Variants in LRP6 observed in about 807,000 individuals in gnomAD.
LRP6 encodes low-density lipoprotein receptor-related protein 6.
Under a neutral mutation model 184.1 loss-of-function variants are expected in LRP6, and 43 were observed. That is an observed-to-expected ratio of 0.23 (90% confidence interval 0.18 to 0.30). The LOEUF (loss-of-function observed/expected upper bound fraction) is 0.30. Ranked by LOEUF, LRP6 falls within the 10% of genes least tolerant of loss-of-function variation. The pLI, the probability that LRP6 is intolerant of heterozygous loss-of-function variation, is 1.00. For synonymous variants in LRP6, 719 were observed against 684.9 expected, an observed-to-expected ratio of 1.05 and a Z score of -0.78; for missense variants, 1,571 against 2,005.3, an observed-to-expected ratio of 0.78 and a Z score of 4.14.
chr12:12,224,700 C>T (rs575550078), intron 2 of LRP6, among the ~76,000 whole-genome samples: 1 of 152,340 alleles, frequency 6.6e-6, no homozygotes, highest in African/African-American at 2.4e-5. Flanking sequence ...CATGGGTTCA[C>T]TTACCCAGCT....
chr12:12,235,381 A>G (rs1400278394), intron 2 of LRP6, among the ~76,000 whole-genome samples: 1 of 152,204 alleles, frequency 6.6e-6, no homozygotes, highest in African/African-American at 2.4e-5. Context: ...GTGTGTCTAC[A>G]TACATCATAT....
At chr12:12,127,194 G>A (rs1382327020) in intron 19 of LRP6, among the ~76,000 whole-genome samples, 2 of 152,158 alleles carry the variant, frequency 1.3e-5, no homozygotes, top group Non-Finnish European at 2.9e-5. Context: ...TAGAAACAAA[G>A]ATGGTAAATG....
rs140212658 is a variant in LRP6 at position 12,210,327 on chromosome 12, T to C, written c.450-6927A>G. ...AGATTTACAAATGTGAATGTGTGTGTATTGGTGTCATTCAACATAATATGG... is the reference window on the plus strand; with the variant it reads ...AGATTTACAAATGTGAATGTGTGTGCATTGGTGTCATTCAACATAATATGG... On this transcript the variant is annotated intron_variant, in intron 2 of 22. Transcript: ENST00000261349. Among the ~76,000 whole-genome samples the C allele has an allele frequency of 3.9e-5, 6 of 152,332 alleles. No homozygotes were observed. In the East Asian group the frequency reaches 9.6e-4, roughly 24 times the overall value.
intron 15 of LRP6, among the ~76,000 whole-genome samples, chr12:12,145,952 C>T (rs938500722): frequency 2.0e-5 from 3 of 151,938 alleles, no homozygotes; most frequent in East Asian, 1.9e-4. Context: ...CATTTCTTAA[C>T]GGTATATATA....
At chr12:12,239,994 T>TA (rs201661075) in intron 2 of LRP6, among the ~76,000 whole-genome samples, 7,697 of 139,508 alleles carry the variant, frequency 0.055, 230 homozygotes, top group Middle Eastern at 0.16. Flanking sequence ...GTTAAGATAT[T>TA]AAAAAAAAAA....
intron 2 of LRP6, among the ~76,000 whole-genome samples, chr12:12,215,737 C>T (rs182922753): frequency 1.9e-4 from 29 of 149,438 alleles, no homozygotes; most frequent in African/African-American, 6.8e-4. Flanking sequence ...TGTGGCCAGG[C>T]GTGGTGGCTC....
intron 7 of LRP6, among the ~76,000 whole-genome samples, chr12:12,167,155 T>A (rs1862900047): frequency 6.6e-6 from 1 of 151,906 alleles, no homozygotes; most frequent in African/African-American, 2.4e-5. Context: ...GTGAGAAAAA[T>A]AATAAATGCC....
chr12:12,203,532 T>C (rs1863970963), intron 2 of LRP6, 132 bp from the exon 3 acceptor site: 1 of 726,022 alleles, frequency 1.4e-6, no homozygotes, highest in African/African-American at 1.8e-5. Context: ...TCTGGGAGGC[T>C]GAGGCAGGCA....
chr12:12,125,398 G>A lies in LRP6; in HGVS notation c.4347C>T (p.Leu1449=), dbSNP rs1949659470. ...GTCCACTGCTTCCCCCCATGATACTGAGGGAGCTGATCATTGATTTACCTC... is the reference window on the plus strand; with the variant it reads ...GTCCACTGCTTCCCCCCATGATACTAAGGGAGCTGATCATTGATTTACCTC... ...MSRGKSMISS[L]SIMGGSSGPP... The change falls in exon 21 of 23, where the codon CTC becomes CTT. Residue 1449 remains leucine, a synonymous_variant. Transcript: ENST00000261349. The A allele has an allele frequency of 6.2e-7, 1 of 1,613,914 alleles. No homozygotes were observed. Among genetic ancestry groups the A allele is most frequent in the African/African-American group, 1.3e-5 (1 of 74,894 alleles).
rs534916622 is a variant in LRP6 at position 12,162,114 on chromosome 12, A to C, written c.2279+79T>G. The C allele has an allele frequency of 2.8e-6, 3 of 1,090,896 alleles. No homozygotes were observed. In the Admixed American group the frequency reaches 5.2e-5, roughly 19 times the overall value. 67.6% of individuals were successfully genotyped at this position (1,090,896 alleles called of 1,614,324 possible). A position where few individuals can be genotyped will look rare whatever the true frequency, so the allele number is the denominator to read the frequency against. ...CTAATACGTATTATTTAAAACATTA[A>C]GAATATCATCTGTAACTATGCCATG... On this transcript the variant is annotated intron_variant, in intron 10 of 22. Coordinates refer to ENST00000261349, the MANE Select transcript of LRP6 (RefSeq NM_002336.3).
At chr12:12,243,192 C>T (rs1865106770) in intron 2 of LRP6, among the ~76,000 whole-genome samples, 1 of 152,052 alleles carries the variant, frequency 6.6e-6, no homozygotes, top group South Asian at 2.1e-4. Flanking sequence ...ATGGTGTATA[C>T]TAATAGTAGA....
At chr12:12,145,071 G>A (rs868540945) in intron 15 of LRP6, among the ~76,000 whole-genome samples, 2 of 151,890 alleles carry the variant, frequency 1.3e-5, no homozygotes, top group African/African-American at 2.4e-5. Context: ...AAAAAAAACT[G>A]CAATTACTTT....
chr12:12,201,954 C>G (rs1172293352), intron 3 of LRP6, among the ~76,000 whole-genome samples: 1 of 152,050 alleles, frequency 6.6e-6, no homozygotes, highest in Non-Finnish European at 1.5e-5. Context: ...GTTCCTTATT[C>G]TTAGTTCAGG....
In LRP6 at chr12:12,159,843, C is replaced by G; in HGVS notation, c.2401G>C (p.Ala801Pro). 6.2e-7 allele frequency: 1 copy of G among 1,614,128 alleles called. No individual in the cohort carries two copies. Among genetic ancestry groups the G allele is most frequent in the Non-Finnish European group, 8.5e-7 (1 of 1,180,004 alleles). The change falls in exon 11 of 23, where the codon GCT (alanine) becomes CCT (proline). Residue 801 changes from alanine to proline, a missense_variant. Coordinates refer to ENST00000261349, the MANE Select transcript of LRP6 (RefSeq NM_002336.3). Reference protein sequence around the residue: ...GRANGLTIDYAKRRLYWTDLD... With the variant: ...GRANGLTIDYPKRRLYWTDLD... ...TCTGTCCAATAAAGCCTCCTTTTAGCATAATCAATAGTTAGGCCGTTTGCC... is the reference window on the plus strand; with the variant it reads ...TCTGTCCAATAAAGCCTCCTTTTAGGATAATCAATAGTTAGGCCGTTTGCC...
At chr12:12,155,971 T>TA (rs1950146999) in intron 12 of LRP6, among the ~76,000 whole-genome samples, 1 of 152,112 alleles carries the variant, frequency 6.6e-6, no homozygotes, top group African/African-American at 2.4e-5. Flanking sequence ...GCACATAAGA[T>TA]ATGTCAATGA....
chr12:12,151,563 T>C (rs1434875835), intron 12 of LRP6, among the ~76,000 whole-genome samples: 1 of 152,180 alleles, frequency 6.6e-6, no homozygotes, highest in African/African-American at 2.4e-5. Flanking sequence ...GGCCAAAGTT[T>C]ACTCAGCGGT....
In LRP6 at chr12:12,132,458, C is replaced by T. The variant is rs1949773176; in HGVS notation, c.3734-401G>A. Among the ~76,000 whole-genome samples the T allele has an allele frequency of 1.3e-5, 2 of 152,152 alleles. 1 individual carries two copies. Among genetic ancestry groups the T allele is most frequent in the South Asian group, 4.1e-4 (2 of 4,820 alleles). On this transcript the variant is annotated intron_variant, in intron 17 of 22. Coordinates refer to ENST00000261349, the MANE Select transcript of LRP6 (RefSeq NM_002336.3). ...GATAGTCCATGAACCCTTAGGCGTT[C>T]CTGAGACCTCTTTCAGGGGACCCAC...
intron 2 of LRP6, among the ~76,000 whole-genome samples, chr12:12,214,528 A>G (rs1864289695): frequency 6.6e-6 from 1 of 152,260 alleles, no homozygotes; most frequent in African/African-American, 2.4e-5. Context: ...AAATAAATAC[A>G]TAAGCTTAAT....
chr12:12,186,571 G>C (rs771647160), intron 4 of LRP6, among the ~76,000 whole-genome samples: 20 of 151,492 alleles, frequency 1.3e-4, no homozygotes, highest in Admixed American at 2.6e-4. Context: ...GTAGAGACAG[G>C]GTTTCACCAG....
Sources: allele counts gnomAD v4.1 joint callset (sites outside exome capture counted in the v4.1 genomes callset), GRCh38; gene constraint gnomAD v4.1.1; transcripts MANE v1.5; gene names NCBI Gene and HGNC (gene_info 2026-07-23, HGNC 2026-07-21).